DIP2C: variants seen among roughly 807,000 people sequenced by gnomAD.
The protein encoded by DIP2C is disco-interacting protein 2 homolog C.
Under a neutral mutation model 192.4 loss-of-function variants are expected in DIP2C, and 33 were observed. The observed-to-expected ratio is 0.17, with a 90% CI of 0.13 to 0.23. The LOEUF (loss-of-function observed/expected upper bound fraction) is 0.23. DIP2C is among the 10% of genes least tolerant of loss of function. The probability of loss-of-function intolerance (pLI) is 1.00; values close to 1 mark genes in which losing one functional copy is unlikely to be tolerated. For synonymous variants in DIP2C, 979 were observed against 864.1 expected (o/e 1.13, Z -2.33); for missense variants, 1,537 against 2,110.1 (o/e 0.73, Z 5.32).
Position 651,102 on chromosome 10 carries a change from C to A in DIP2C, c.85+38392G>T, listed in dbSNP as rs1185886118. ...CTCTCCCACACCTCCCAAACTCTCTCCTGGCCAGCTCTCGCCACACTCAGT... is the reference window on the plus strand; with the variant it reads ...CTCTCCCACACCTCCCAAACTCTCTACTGGCCAGCTCTCGCCACACTCAGT... On this transcript the variant is annotated intron_variant, in intron 1 of 36. Transcript: ENST00000280886. This position sits in a 1 kb window ranked among gnomAD's most constrained non-coding sequence, Gnocchi z 4.1. The A allele has an allele frequency of 1.4e-6, 1 of 717,574 alleles. No homozygotes were observed. The highest frequency in any genetic ancestry group is 2.0e-5 in the Admixed American group (1 of 50,026). The allele number at this position is 717,574 out of a possible 1,614,324, so 44.5% of individuals were successfully genotyped here.
At chr10:374,372 C>T (rs981294598) in intron 17 of DIP2C, among the ~76,000 whole-genome samples, 2 of 152,214 alleles carry the variant, frequency 1.3e-5, no homozygotes, top group African/African-American at 2.4e-5. Flanking sequence ...ATTTTCTCAT[C>T]TACTAGAAAA....
chr10:315,757 T>C (rs1489599541), intron 31 of DIP2C, among the ~76,000 whole-genome samples: 3 of 152,224 alleles, frequency 2.0e-5, no homozygotes, highest in Non-Finnish European at 4.4e-5. Context: ...CAAATTGTTC[T>C]CTTGCCCCAT....
chr10:458,697 A>C (rs1969507995), intron 3 of DIP2C, among the ~76,000 whole-genome samples: 1 of 150,110 alleles, frequency 6.7e-6, no homozygotes, highest in African/African-American at 2.5e-5. Context: ...AGCGCATGGC[A>C]GAGTGCTCGG....
chr10:524,416 C>G (rs183354787), intron 1 of DIP2C, among the ~76,000 whole-genome samples: 2 of 152,302 alleles, frequency 1.3e-5, no homozygotes, highest in Admixed American at 1.3e-4. Context: ...CTATATGTGA[C>G]TGGAAGTATA....
At chr10:303,351 C>T (rs903331546) in intron 32 of DIP2C, among the ~76,000 whole-genome samples, 2 of 152,208 alleles carry the variant, frequency 1.3e-5, no homozygotes, top group Admixed American at 6.5e-5. Context: ...TACACTAAAT[C>T]TATAAGAAAA....
chr10:350,848 A>G (rs567904935), intron 24 of DIP2C, among the ~76,000 whole-genome samples: 1 of 152,044 alleles, frequency 6.6e-6, no homozygotes, highest in South Asian at 2.1e-4. Flanking sequence ...GGGTTTCACT[A>G]TGTTGGCCAG....
At chr10:368,890 G>T (rs2132775576) in intron 18 of DIP2C, among the ~76,000 whole-genome samples, 1 of 152,360 alleles carries the variant, frequency 6.6e-6, no homozygotes, top group African/African-American at 2.4e-5. Flanking sequence ...CCCATGAGTT[G>T]AGCGCCAAGC....
At chr10:464,203 C>G (rs1970024437) in intron 3 of DIP2C, among the ~76,000 whole-genome samples, 1 of 152,112 alleles carries the variant, frequency 6.6e-6, no homozygotes. Flanking sequence ...TCAGAGTGAA[C>G]AGGCAACCTA....
At chr10:362,432 G>A in intron 22 of DIP2C, 58 bp downstream of exon 22, 1 of 1,573,428 alleles carries the variant, frequency 6.4e-7, no homozygotes, top group South Asian at 1.2e-5. Flanking sequence ...ACCTCCCAGT[G>A]CCGTGCAGCC....
chr10:341,922 C>G (rs140450448), intron 28 of DIP2C, among the ~76,000 whole-genome samples: 2 of 152,148 alleles, frequency 1.3e-5, no homozygotes, highest in Non-Finnish European at 2.9e-5. Flanking sequence ...AACAAATGCA[C>G]GATACCTGGC....
Position 651,517 on chromosome 10 carries a change from T to A in DIP2C, c.85+37977A>T. The A allele has an allele frequency of 1.9e-6, 1 of 513,286 alleles. No individual in the cohort carries two copies. Among genetic ancestry groups the A allele is most frequent in the Admixed American group, 3.0e-5 (1 of 33,020 alleles). 31.8% of individuals were successfully genotyped at this position (513,286 alleles called of 1,614,324 possible). On this transcript the variant is annotated intron_variant, in intron 1 of 36. Coordinates refer to ENST00000280886, the MANE Select transcript of DIP2C (RefSeq NM_014974.3). This position sits in a 1 kb window ranked among gnomAD's most constrained non-coding sequence, Gnocchi z 4.1. Reference sequence around the variant, plus strand: ...ATGAAAATCCGTATCCACGTGAAGGTATTATGCAAAAAAAGCTTAACTTTG... The same window carrying A: ...ATGAAAATCCGTATCCACGTGAAGGAATTATGCAAAAAAAGCTTAACTTTG...
intron 32 of DIP2C, among the ~76,000 whole-genome samples, chr10:307,094 C>T (rs1956359657): frequency 6.6e-6 from 1 of 152,230 alleles, no homozygotes; most frequent in South Asian, 2.1e-4. Flanking sequence ...CCCCTCTTTC[C>T]CTCCACCATG....
intron 3 of DIP2C, among the ~76,000 whole-genome samples, chr10:459,325 C>T (rs1969561148): frequency 1.3e-5 from 2 of 151,462 alleles, no homozygotes; most frequent in South Asian, 4.2e-4. Flanking sequence ...GGGAGGGTCT[C>T]GAACCCCTGA....
chr10:283,132 T>A lies in DIP2C; in HGVS notation c.4294+140A>T, dbSNP rs1444755031. The A allele has an allele frequency of 4.1e-6, 5 of 1,206,256 alleles. No homozygotes were observed. In the East Asian group the frequency reaches 1.2e-4, roughly 28 times the overall value. The allele number at this position is 1,206,256 out of a possible 1,614,324, so 74.7% of individuals were successfully genotyped here. A position where few individuals can be genotyped will look rare whatever the true frequency, so the allele number is the denominator to read the frequency against. ...CTTTCCTCTTGCTCTTAAACTCGGT[T>A]CTTTTCACACTGGGTTGTAGCTAGC... On this transcript the variant is annotated intron_variant, in intron 35 of 36. Transcript: ENST00000280886.
rs1217411639 is a variant in DIP2C, at chr10:636,351, A to G, written c.85+53143T>C. The stretch of plus-strand genomic sequence containing the variant: ...TAAAAAGTGGAAGAACAGTACAATG[A>G]GTGGCCAAGTTTTCTCCACGTGGAG... On this transcript the variant is annotated intron_variant, in intron 1 of 36. Coordinates refer to ENST00000280886, the MANE Select transcript of DIP2C (RefSeq NM_014974.3). This position sits in a 1 kb window ranked among gnomAD's most constrained non-coding sequence, Gnocchi z 4.6. 6.6e-6 allele frequency among the ~76,000 whole-genome samples: 1 copy of G among 152,142 alleles called. No individual in the cohort carries two copies. The highest frequency in any genetic ancestry group is 2.4e-5 in the African/African-American group (1 of 41,428).
intron 1 of DIP2C, among the ~76,000 whole-genome samples, chr10:618,015 G>A (rs1056023376): frequency 4.6e-5 from 7 of 152,192 alleles, no homozygotes; most frequent in Non-Finnish European, 7.3e-5. Flanking sequence ...CAGCATCCCA[G>A]GACCCAGTAC....
At chr10:491,569 C>T (rs1844450893) in intron 1 of DIP2C, among the ~76,000 whole-genome samples, 1 of 152,218 alleles carries the variant, frequency 6.6e-6, no homozygotes, top group Non-Finnish European at 1.5e-5. Flanking sequence ...CTGGGATGTC[C>T]TCTCACCCCA....
chr10:648,409 C>CT (rs1564302029), intron 1 of DIP2C, among the ~76,000 whole-genome samples: 3 of 151,552 alleles, frequency 2.0e-5, no homozygotes, highest in Non-Finnish European at 4.4e-5. Flanking sequence ...CAGAAGGAAA[C>CT]TGAGTCCACG....
intron 4 of DIP2C, among the ~76,000 whole-genome samples, chr10:430,838 T>C (rs181442217): frequency 6.6e-6 from 1 of 152,222 alleles, no homozygotes; most frequent in African/African-American, 2.4e-5. Context: ...CAGGAATATT[T>C]CACCACTATA....
Sources: allele counts gnomAD v4.1 joint callset (sites outside exome capture counted in the v4.1 genomes callset), GRCh38; gene constraint gnomAD v4.1.1; non-coding constraint Gnocchi (gnomAD v3.1); transcripts MANE v1.5; gene names NCBI Gene and HGNC (gene_info 2026-07-23, HGNC 2026-07-21).